The following DIP2B variants were observed in gnomAD, a reference collection of about 807,000 sequenced individuals.
DIP2B encodes the protein disco-interacting protein 2 homolog B.
A neutral mutation model predicts 198.0 loss-of-function variants in DIP2B; 76 were observed. The ratio of observed to expected loss-of-function variants is 0.38; its 90% confidence interval spans 0.32 to 0.46. The LOEUF is 0.46. DIP2B is among the 20% of genes least tolerant of loss of function. DIP2B has a pLI of 0.99. For synonymous variants in DIP2B, 701 were observed against 739.1 expected (o/e 0.95, Z 0.84); for missense variants, 1,559 against 1,978.4 (o/e 0.79, Z 4.02).
At chr12:50,678,904 T>C (rs1938992697) in intron 8 of DIP2B, 28 bp downstream of exon 8, 1 of 1,612,948 alleles carries the variant, frequency 6.2e-7, no homozygotes, top group Non-Finnish European at 8.5e-7. Context: ...CAGATCCTTC[T>C]CTCCTGAGAG....
At chr12:50,607,626 A>C (rs1393155733) in intron 1 of DIP2B, among the ~76,000 whole-genome samples, 1 of 152,216 alleles carries the variant, frequency 6.6e-6, no homozygotes, top group Non-Finnish European at 1.5e-5. Flanking sequence ...GTTCAAACAC[A>C]GTCTTGCTCT....
chr12:50,534,055 T>C, intron 1 of DIP2B, among the ~76,000 whole-genome samples: 1 of 152,152 alleles, frequency 6.6e-6, no homozygotes, highest in East Asian at 1.9e-4. Flanking sequence ...TTCTAAGCCA[T>C]CTCCTTACTC....
intron 1 of DIP2B, among the ~76,000 whole-genome samples, chr12:50,510,327 G>A (rs79799217): frequency 0.072 from 10,964 of 152,228 alleles, 855 homozygotes; most frequent in East Asian, 0.38. Flanking sequence ...GTTCTGGTGT[G>A]TATTTTGAAA....
In DIP2B at chr12:50,747,270, ACT is replaced by A. The variant is rs1211217849; in HGVS notation, c.*2434_*2435del. The stretch of plus-strand genomic sequence containing the variant: ...CTATACTCATTCCTTCAAATACATT[ACT>A]CTGTTAATCTCAAAGTGTGGCCAAC... On this transcript the variant is annotated 3_prime_UTR_variant, in exon 38 of 38. Transcript: ENST00000301180. The A allele has an allele frequency of 1.3e-5, 2 of 152,078 alleles. No homozygotes were observed. Among genetic ancestry groups the A allele is most frequent in the Admixed American group, 6.5e-5 (1 of 15,268 alleles). The allele number at this position is 152,078 out of a possible 1,614,324, so 9.4% of individuals were successfully genotyped here. A position where few individuals can be genotyped will look rare whatever the true frequency, so the allele number is the denominator to read the frequency against.
At chr12:50,626,482 A>C (rs1305291543) in intron 2 of DIP2B, among the ~76,000 whole-genome samples, 1 of 152,204 alleles carries the variant, frequency 6.6e-6, no homozygotes, top group Admixed American at 6.5e-5. Context: ...GATTAATTCA[A>C]AGCCAGACTT....
intron 1 of DIP2B, among the ~76,000 whole-genome samples, chr12:50,588,278 A>T (rs938125426): frequency 6.6e-6 from 1 of 151,766 alleles, no homozygotes; most frequent in Non-Finnish European, 1.5e-5. Flanking sequence ...CAGCCTCCTG[A>T]GTAGCTGGGA....
chr12:50,552,741 T>G (rs1210590042), intron 1 of DIP2B, among the ~76,000 whole-genome samples: 4 of 152,276 alleles, frequency 2.6e-5, no homozygotes, highest in Admixed American at 2.6e-4. Context: ...AAATCCAGTA[T>G]TATTAAGCTT....
chr12:50,623,437 A>ACACACT (rs1308369241), intron 1 of DIP2B, among the ~76,000 whole-genome samples: 78 of 57,134 alleles, frequency 1.4e-3, no homozygotes, highest in African/African-American at 5.6e-3. Context: ...ACACACACAC[A>ACACACT]CTCTCTCTCT....
At chr12:50,552,027 A>G (rs1026953810) in intron 1 of DIP2B, among the ~76,000 whole-genome samples, 1 of 152,144 alleles carries the variant, frequency 6.6e-6, no homozygotes, top group Non-Finnish European at 1.5e-5. Context: ...CAATCCCACC[A>G]GCATGCACAA....
intron 2 of DIP2B, among the ~76,000 whole-genome samples, chr12:50,632,016 GAGA>G (rs1207280973): frequency 1.3e-5 from 2 of 149,228 alleles, no homozygotes; most frequent in African/African-American, 5.0e-5. Flanking sequence ...CCTAAATAGA[GAGA>G]AGGTCTCACT....
intron 6 of DIP2B, among the ~76,000 whole-genome samples, chr12:50,674,952 C>T (rs57244515): frequency 6.6e-6 from 1 of 152,180 alleles, no homozygotes; most frequent in African/African-American, 2.4e-5. Flanking sequence ...ATCATGAGGT[C>T]AGGAGATCGA....
At chr12:50,670,520 A>G (rs1938833984) in intron 4 of DIP2B, among the ~76,000 whole-genome samples, 1 of 151,944 alleles carries the variant, frequency 6.6e-6, no homozygotes, top group Non-Finnish European at 1.5e-5. Context: ...GGTTCAAACG[A>G]TTCTCCTGCT....
chr12:50,570,819 G>A lies in DIP2B; in HGVS notation c.101-55157G>A, dbSNP rs193154013. 7.9e-4 allele frequency among the ~76,000 whole-genome samples: 120 copies of A among 152,298 alleles called. 1 individual carries two copies. The highest frequency in any genetic ancestry group is 2.6e-3 in the African/African-American group (108 of 41,566). On this transcript the variant is annotated intron_variant, in intron 1 of 37. Transcript: ENST00000301180. ...TTTACAATACTTCAGGTTACTTGAA[G>A]CCTTCTTTTGAGTGACTAGATTTAA...
intron 4 of DIP2B, among the ~76,000 whole-genome samples, chr12:50,670,275 C>G (rs1354922839): frequency 6.6e-6 from 1 of 152,046 alleles, no homozygotes; most frequent in Non-Finnish European, 1.5e-5. Context: ...TGTGCCTTCT[C>G]CTGTCATGCT....
chr12:50,518,134 A>G (rs1172630772), intron 1 of DIP2B, among the ~76,000 whole-genome samples: 1 of 152,080 alleles, frequency 6.6e-6, no homozygotes, highest in Non-Finnish European at 1.5e-5. Context: ...CACATTTCCC[A>G]TAAGGTAGCA....
In DIP2B at chr12:50,686,681, A is replaced by G. The variant is rs764605303; in HGVS notation, c.1550A>G (p.Glu517Gly). 2.5e-6 allele frequency: 4 copies of G among 1,613,544 alleles called. No homozygotes were observed. Among genetic ancestry groups the G allele is most frequent in the Non-Finnish European group, 2.5e-6 (3 of 1,179,714 alleles). ...SPAGTEPAYI[E>G]YKTSKEGSVM... The stretch of plus-strand genomic sequence containing the variant: ...GCTGGGACAGAACCGGCATACATTG[A>G]GGTAAGTCCTAAGATGTAAAATATG... The change falls in exon 12 of 38, where the codon GAG becomes GGG. Residue 517 changes from glutamate to glycine, a missense_variant and splice_region_variant. Transcript: ENST00000301180.
At chr12:50,719,264 G>A (rs981225535) in intron 25 of DIP2B, among the ~76,000 whole-genome samples, 11 of 152,146 alleles carry the variant, frequency 7.2e-5, no homozygotes, top group Admixed American at 2.6e-4. Flanking sequence ...GTACAATCAC[G>A]TCTTCTTTAT....
intron 1 of DIP2B, among the ~76,000 whole-genome samples, chr12:50,615,577 A>G (rs1937684566): frequency 6.6e-6 from 1 of 152,108 alleles, no homozygotes; most frequent in Admixed American, 6.5e-5. Flanking sequence ...AAGAGAATTT[A>G]CCAACCCAGA....
At position 50,746,097 on chromosome 12, in the gene DIP2B, CTT is replaced by C. The variant is rs1306607381; in HGVS notation, c.*1261_*1262del. 3 of 152,214 alleles carry C rather than the reference CTT, an allele frequency of 2.0e-5. No individual in the cohort carries two copies. The highest frequency in any genetic ancestry group is 4.8e-5 in the African/African-American group (2 of 41,450). The allele number at this position is 152,214 out of a possible 1,614,324, so 9.4% of individuals were successfully genotyped here. ...GGAAGTCTGACATATGCAGGAAACTCTTTTGAAATAACTTTGGTGCCCAGGCC... is the reference window on the plus strand; with the variant it reads ...GGAAGTCTGACATATGCAGGAAACTCTTGAAATAACTTTGGTGCCCAGGCC... On this transcript the variant is annotated 3_prime_UTR_variant, in exon 38 of 38. Transcript: ENST00000301180.
Sources: allele counts gnomAD v4.1 joint callset (sites outside exome capture counted in the v4.1 genomes callset), GRCh38; gene constraint gnomAD v4.1.1; transcripts MANE v1.5; gene names NCBI Gene and HGNC (gene_info 2026-07-23, HGNC 2026-07-21).